UVRAG: variants seen among roughly 807,000 people sequenced by gnomAD.
The protein encoded by UVRAG is UV radiation resistance-associated gene protein.
In UVRAG, 19 loss-of-function variants were observed where a neutral mutation model predicts 78.0. That is an observed-to-expected ratio of 0.24 (90% CI 0.17 to 0.36). UVRAG has a LOEUF of 0.36. UVRAG is among the 10% of genes least tolerant of loss of function. UVRAG has a pLI of 1.00. For missense variants in UVRAG, 740 were observed against 853.8 expected (o/e 0.87, Z 1.66); for synonymous variants, 323 against 324.6 (o/e 1.00, Z 0.05).
At chr11:76,118,276 T>C (rs1952221003) in intron 14 of UVRAG, among the ~76,000 whole-genome samples, 1 of 152,234 alleles carries the variant, frequency 6.6e-6, no homozygotes, top group African/African-American at 2.4e-5. Flanking sequence ...GAGTGTGTTC[T>C]GGCTAACATT....
At chr11:75,833,446 A>C (rs933787382) in intron 1 of UVRAG, among the ~76,000 whole-genome samples, 6 of 152,160 alleles carry the variant, frequency 3.9e-5, no homozygotes, top group Non-Finnish European at 8.8e-5. Flanking sequence ...ATACATCATG[A>C]CCCTTTACCC....
At position 76,039,377 on chromosome 11, in the gene UVRAG, T is replaced by C. The variant is rs113809089; in HGVS notation, c.1226+22397T>C. ...ACAAACCTATAGCAAGCATTAGACTTAATAGTGAAACTTTGTAAGGACTCC... is the reference window on the plus strand; with the variant it reads ...ACAAACCTATAGCAAGCATTAGACTCAATAGTGAAACTTTGTAAGGACTCC... On this transcript the variant is annotated intron_variant, in intron 12 of 14. Coordinates refer to ENST00000356136, the MANE Select transcript of UVRAG (RefSeq NM_003369.4). 1.8e-3 allele frequency among the ~76,000 whole-genome samples: 267 copies of C among 152,366 alleles called. 1 individual carries two copies. The highest frequency in any genetic ancestry group is 6.2e-3 in the African/African-American group (256 of 41,580).
intron 6 of UVRAG, among the ~76,000 whole-genome samples, chr11:75,960,346 A>G (rs531741269): frequency 1.3e-5 from 2 of 152,254 alleles, no homozygotes; most frequent in African/African-American, 4.8e-5. Flanking sequence ...TGCTAAATTA[A>G]CTTATTAATT....
intron 1 of UVRAG, among the ~76,000 whole-genome samples, chr11:75,838,783 G>A (rs1316965552): frequency 6.6e-6 from 1 of 152,226 alleles, no homozygotes; most frequent in Non-Finnish European, 1.5e-5. Context: ...AGTATTGAGA[G>A]GTAGGGTCTT....
At chr11:75,980,919 G>T (rs1298611215) in intron 7 of UVRAG, among the ~76,000 whole-genome samples, 2 of 152,022 alleles carry the variant, frequency 1.3e-5, no homozygotes, top group South Asian at 2.1e-4. Flanking sequence ...GACTTCAGGT[G>T]ATCCACGTGC....
Position 75,994,336 on chromosome 11 carries a change from C to A in UVRAG, c.827-9669C>A, listed in dbSNP as rs73496110. Among the ~76,000 whole-genome samples the A allele has an allele frequency of 4.4e-3, 669 of 152,242 alleles. 6 individuals carry two copies. The highest frequency in any genetic ancestry group is 0.016 in the African/African-American group (646 of 41,528). ...AAGCATCTCTGAAAGCTAAGTAGGG[C>A]AGATGTTACCCTCATTGTATATGTG... On this transcript the variant is annotated intron_variant, in intron 8 of 14. Transcript: ENST00000356136.
chr11:75,947,375 G>T (rs1308783062), intron 6 of UVRAG, among the ~76,000 whole-genome samples: 2 of 152,146 alleles, frequency 1.3e-5, no homozygotes, highest in African/African-American at 4.8e-5. Flanking sequence ...ATTATGCAGA[G>T]AATGGGAATC....
rs375932459 is a variant in UVRAG at position 75,915,281 on chromosome 11, A to T, written c.593+3242A>T. 3.9e-5 allele frequency: 6 copies of T among 152,268 alleles called. No homozygotes were observed. The East Asian group carries it at 7.7e-4, about 20-fold the overall frequency. The allele number at this position is 152,268 out of a possible 1,614,324, so 9.4% of individuals were successfully genotyped here. ...AAAAGAAAAAAGCTCCTTCAGATGG[A>T]TGGGTTGTATTGTTTTATAGAAAAA... On this transcript the variant is annotated intron_variant, in intron 6 of 14. Transcript: ENST00000356136.
chr11:75,979,249 A>AGGGGC (rs1407319388), intron 7 of UVRAG, among the ~76,000 whole-genome samples: 2 of 152,142 alleles, frequency 1.3e-5, no homozygotes, highest in African/African-American at 2.4e-5. Flanking sequence ...TTCGTGTCAG[A>AGGGGC]GGGGCACCTG....
At chr11:76,045,508 A>G (rs1044220707) in intron 12 of UVRAG, among the ~76,000 whole-genome samples, 6 of 152,236 alleles carry the variant, frequency 3.9e-5, no homozygotes, top group Admixed American at 6.5e-5. Flanking sequence ...ATAAAAATCA[A>G]TAGTTTGTTG....
At chr11:76,112,359 T>C (rs1315758734) in intron 13 of UVRAG, among the ~76,000 whole-genome samples, 2 of 152,112 alleles carry the variant, frequency 1.3e-5, no homozygotes, top group Non-Finnish European at 2.9e-5. Context: ...CATTCAAGTA[T>C]AAGAATGGAA....
intron 13 of UVRAG, among the ~76,000 whole-genome samples, chr11:76,101,518 A>C (rs1802847067): frequency 6.6e-6 from 1 of 151,808 alleles, no homozygotes; most frequent in Non-Finnish European, 1.5e-5. Flanking sequence ...ATTTTCTCCC[A>C]TTCTGTAGGT....
chr11:75,822,640 A>C (rs982354585), intron 1 of UVRAG, among the ~76,000 whole-genome samples: 2 of 151,606 alleles, frequency 1.3e-5, no homozygotes, highest in Non-Finnish European at 2.9e-5. Flanking sequence ...GGAACTCAAG[A>C]AAGCACCTTG....
At chr11:75,994,507 A>G (rs1156954761) in intron 8 of UVRAG, among the ~76,000 whole-genome samples, 1 of 152,206 alleles carries the variant, frequency 6.6e-6, no homozygotes, top group Non-Finnish European at 1.5e-5. Context: ...TTTGCAAAAC[A>G]TTCGTTTGAA....
At chr11:75,877,833 C>A (rs1316362152) in intron 3 of UVRAG, among the ~76,000 whole-genome samples, 1 of 144,392 alleles carries the variant, frequency 6.9e-6, no homozygotes, top group Non-Finnish European at 1.5e-5. Flanking sequence ...CCCCTCACCT[C>A]CCGGACGGGG....
chr11:75,832,549 A>G (rs1290935188), intron 1 of UVRAG, among the ~76,000 whole-genome samples: 1 of 152,226 alleles, frequency 6.6e-6, no homozygotes, highest in African/African-American at 2.4e-5. Flanking sequence ...TGGGTGTGCC[A>G]GCCTCCTAGC....
At chr11:76,092,008 C>T (rs533346317) in intron 13 of UVRAG, among the ~76,000 whole-genome samples, 19 of 152,032 alleles carry the variant, frequency 1.2e-4, no homozygotes, top group African/African-American at 4.3e-4. Flanking sequence ...CAACAGGCCC[C>T]GGCGTGTGAT....
chr11:75,952,291 A>C (rs1948717997), intron 6 of UVRAG, among the ~76,000 whole-genome samples: 1 of 152,108 alleles, frequency 6.6e-6, no homozygotes, highest in Non-Finnish European at 1.5e-5. Flanking sequence ...GCATTATTAC[A>C]ATGGTTTGGA....
chr11:75,855,321 T>A (rs2134759694), intron 2 of UVRAG, among the ~76,000 whole-genome samples: 1 of 152,336 alleles, frequency 6.6e-6, no homozygotes, highest in African/African-American at 2.4e-5. Flanking sequence ...CGGGGTCTGG[T>A]GTTGCTGTTG....
Sources: gnomAD v4.1 joint callset for allele counts (sites outside exome capture counted in the v4.1 genomes callset) on GRCh38, gnomAD v4.1.1 for gene constraint, MANE v1.5 for transcripts, NCBI Gene and HGNC (gene_info 2026-07-23, HGNC 2026-07-21) for gene names.